SLCO6A1: variants seen among roughly 807,000 people sequenced by gnomAD.
The protein encoded by SLCO6A1 is cancer/testis antigen 48.
In SLCO6A1, 65 loss-of-function variants were observed where a neutral mutation model predicts 72.7. That is an observed-to-expected ratio of 0.89 (90% confidence interval 0.73 to 1.10). SLCO6A1 has a LOEUF of 1.10. Ranked by LOEUF, SLCO6A1 falls within the 50% of genes least tolerant of loss-of-function variation. The pLI is 0.00. For missense variants in SLCO6A1, 874 were observed against 872.6 expected (o/e 1.00, Z -0.02); for synonymous variants, 314 against 298.2 (o/e 1.05, Z -0.55).
intron 6 of SLCO6A1, among the ~76,000 whole-genome samples, chr5:102,457,261 T>C (rs991691356): frequency 7.3e-6 from 1 of 136,710 alleles, no homozygotes; most frequent in African/African-American, 2.8e-5. Flanking sequence ...TGGGATCTAA[T>C]TAAACTAAAG....
At chr5:102,401,212 G>A (rs532761420) in intron 9 of SLCO6A1, among the ~76,000 whole-genome samples, 1 of 152,132 alleles carries the variant, frequency 6.6e-6, no homozygotes, top group African/African-American at 2.4e-5. Flanking sequence ...TAATTGAAAA[G>A]CCTTGTGGTA....
In SLCO6A1 at chr5:102,438,725, G is replaced by T. The variant is rs563133908; in HGVS notation, c.1168C>A (p.Leu390Met). Residue 390 changes from leucine (L) to methionine (M), a missense_variant, in exon 7 of 14, where the codon CTG becomes ATG. Physicochemically the swap from Leu to Met is conservative, Grantham distance 15. Transcript: ENST00000506729. ...ACTAAATATTCTGTAGCTTTTGACA[G>T]AGCTAGGCATATGAGCACTGGATTC... ...MKNPVLICLA[L>M]SKATEYLVII... is the part of the protein sequence containing the mutation. The T allele has an allele frequency of 1.3e-6, 2 of 1,582,760 alleles. No individual in the cohort carries two copies. The highest frequency in any genetic ancestry group is 1.2e-5 in the South Asian group (1 of 83,668).
chr5:102,412,018 T>G (rs1031901946), intron 9 of SLCO6A1, among the ~76,000 whole-genome samples: 3 of 152,102 alleles, frequency 2.0e-5, no homozygotes, highest in Non-Finnish European at 2.9e-5. Context: ...AACCTTGGTC[T>G]CCACAATCTT....
intron 1 of SLCO6A1, among the ~76,000 whole-genome samples, chr5:102,494,991 C>T (rs980788975): frequency 6.6e-5 from 10 of 152,076 alleles, no homozygotes; most frequent in Non-Finnish European, 1.0e-4. Context: ...ATAGAAACAA[C>T]GCAAATGTCC....
At chr5:102,471,224 A>G (rs963460184) in intron 4 of SLCO6A1, among the ~76,000 whole-genome samples, 18 of 151,966 alleles carry the variant, frequency 1.2e-4, no homozygotes, top group African/African-American at 4.1e-4. Flanking sequence ...TTCTTCATGC[A>G]CCCCTTCAGA....
intron 1 of SLCO6A1, among the ~76,000 whole-genome samples, chr5:102,488,964 AT>A (rs1752558222): frequency 1.3e-5 from 2 of 152,354 alleles, no homozygotes; most frequent in South Asian, 4.1e-4. Flanking sequence ...AGGAAGTCAC[AT>A]AAAAAGTCAG....
chr5:102,498,421 T>A (rs1753006798), intron 1 of SLCO6A1, 66 bp downstream of exon 1: 7 of 1,484,118 alleles, frequency 4.7e-6, no homozygotes, highest in Non-Finnish European at 5.5e-6. Flanking sequence ...CCATACTCCC[T>A]CTCCCGCCTC....
At chr5:102,454,779 A>G (rs1203475771) in intron 6 of SLCO6A1, among the ~76,000 whole-genome samples, 1 of 151,810 alleles carries the variant, frequency 6.6e-6, no homozygotes, top group East Asian at 1.9e-4. Flanking sequence ...GCAATATGAA[A>G]GAGATTATAA....
intron 9 of SLCO6A1, among the ~76,000 whole-genome samples, chr5:102,406,981 C>T (rs1442946543): frequency 1.5e-5 from 2 of 133,158 alleles, no homozygotes; most frequent in African/African-American, 5.8e-5. Flanking sequence ...AAGCAGAATT[C>T]CAAAACAACA....
At chr5:102,469,144 C>G (rs942376296) in intron 4 of SLCO6A1, among the ~76,000 whole-genome samples, 12 of 146,824 alleles carry the variant, frequency 8.2e-5, no homozygotes, top group African/African-American at 1.7e-4. Flanking sequence ...GCTATGCAGG[C>G]TTTTTTTTTT....
Position 102,459,810 on chromosome 5 carries a change from C to T in SLCO6A1, c.900-33G>A, listed in dbSNP as rs150126184. 13 of 1,527,890 alleles carry T rather than the reference C, an allele frequency of 8.5e-6. No individual in the cohort carries two copies. The African/African-American group carries it at 1.4e-4, about 17-fold the overall frequency. The allele number at this position is 1,527,890 out of a possible 1,614,324, so 94.6% of individuals were successfully genotyped here. On this transcript the variant is annotated intron_variant, in intron 4 of 13. Transcript: ENST00000506729. ...AAAGAAAAGTGAAAAAAAAAAGCAA[C>T]TTTAGGTATTTGATTACAACAAAAC...
At chr5:102,487,635 C>A (rs758098848) in intron 1 of SLCO6A1, among the ~76,000 whole-genome samples, 7 of 152,190 alleles carry the variant, frequency 4.6e-5, no homozygotes, top group Non-Finnish European at 1.0e-4. Context: ...CATGGACCAT[C>A]ACAATTCTGG....
intron 2 of SLCO6A1, among the ~76,000 whole-genome samples, 183 bp from the exon 3 acceptor site, chr5:102,478,044 C>T (rs10515326): frequency 0.26 from 39,273 of 151,756 alleles, 5,284 homozygotes; most frequent in South Asian, 0.34. Flanking sequence ...CAGAAAAATG[C>T]CATCATACAA....
At chr5:102,396,680 G>A (rs1162812872) in intron 10 of SLCO6A1, among the ~76,000 whole-genome samples, 1 of 152,056 alleles carries the variant, frequency 6.6e-6, no homozygotes, top group Non-Finnish European at 1.5e-5. Flanking sequence ...AGTGGGGTTT[G>A]TTGTTCACTT....
At chr5:102,462,972 AGAGAAAACAGACAACCCACAGTGTGG>A (rs1235247555) in intron 4 of SLCO6A1, among the ~76,000 whole-genome samples, 2 of 152,240 alleles carry the variant, frequency 1.3e-5, no homozygotes, top group Non-Finnish European at 2.9e-5. Flanking sequence ...AATAATCAGC[AGAGAAAACAGACAACCCACAGTGTGG>A]GAGAAAATAT....
At chr5:102,408,500 T>G (rs937155142) in intron 9 of SLCO6A1, among the ~76,000 whole-genome samples, 2 of 151,994 alleles carry the variant, frequency 1.3e-5, no homozygotes, top group Non-Finnish European at 2.9e-5. Flanking sequence ...CACATCAAAG[T>G]AAAACTTCTG....
In SLCO6A1 at chr5:102,498,935, G is replaced by T; in HGVS notation, c.-91C>A. On this transcript the variant is annotated 5_prime_UTR_variant, in exon 1 of 14. Transcript: ENST00000506729. Reference sequence around the variant, plus strand: ...CAACCCAAAGGCCAGCCTGGCGAGGGCGTCGGAGGACTCGGTGGCCACAAG... The same window carrying T: ...CAACCCAAAGGCCAGCCTGGCGAGGTCGTCGGAGGACTCGGTGGCCACAAG... 7.9e-7 allele frequency: 1 copy of T among 1,265,542 alleles called. No individual in the cohort carries two copies. The highest frequency in any genetic ancestry group is 1.1e-6 in the Non-Finnish European group (1 of 918,970). 78.4% of individuals were successfully genotyped at this position (1,265,542 alleles called of 1,614,324 possible).
intron 6 of SLCO6A1, among the ~76,000 whole-genome samples, chr5:102,439,418 C>T (rs1393441412): frequency 1.3e-5 from 2 of 151,890 alleles, no homozygotes; most frequent in African/African-American, 4.8e-5. Flanking sequence ...CTTGGTTATG[C>T]GTATCTCACT....
At chr5:102,382,621 G>A (rs1020502400) in intron 12 of SLCO6A1, among the ~76,000 whole-genome samples, 2 of 151,228 alleles carry the variant, frequency 1.3e-5, no homozygotes, top group Non-Finnish European at 3.0e-5. Flanking sequence ...TATGAACATA[G>A]GATATTTCCA....
Sources: gnomAD v4.1 joint callset for allele counts (sites outside exome capture counted in the v4.1 genomes callset) on GRCh38, gnomAD v4.1.1 for gene constraint, MANE v1.5 for transcripts, NCBI Gene and HGNC (gene_info 2026-07-23, HGNC 2026-07-21) for gene names.